MAP2K3: variants seen among roughly 807,000 people sequenced by gnomAD.
MAP2K3 encodes dual specificity mitogen-activated protein kinase kinase 3.
MAP2K3 carries 30 observed loss-of-function variants against 46.4 expected under a neutral mutation model. The ratio of observed to expected loss-of-function variants is 0.65; its 90% CI spans 0.48 to 0.88. MAP2K3 has a LOEUF of 0.88. MAP2K3 is among the 40% of genes least tolerant of loss of function. MAP2K3 has a pLI of 0.00. For synonymous variants in MAP2K3, 189 were observed against 176.3 expected (o/e 1.07, Z -0.57); for missense variants, 380 against 464.5 (o/e 0.82, Z 1.67).
At chr17:21,303,356 G>C in intron 7 of MAP2K3, 122 bp downstream of exon 7, 1 of 1,374,604 alleles carries the variant, frequency 7.3e-7, no homozygotes, top group Admixed American at 2.0e-5. Context: ...TGACGTGCCC[G>C]ATGGGGTTCC....
chr17:21,304,365 C>G, intron 7 of MAP2K3, 61 bp from the exon 8 acceptor site: 2 of 1,613,510 alleles, frequency 1.2e-6, no homozygotes, highest in East Asian at 2.2e-5. Flanking sequence ...CTATGCAGAG[C>G]ATGGCACCTG....
intron 3 of MAP2K3, 24 bp downstream of exon 3, chr17:21,298,950 C>T: frequency 6.2e-7 from 1 of 1,613,584 alleles, no homozygotes; most frequent in African/African-American, 1.3e-5. Context: ...GCCACCCCTG[C>T]AGGGCCTCTC....
At chr17:21,307,256 C>G (rs1350857424) in intron 9 of MAP2K3, among the ~76,000 whole-genome samples, 1 of 152,306 alleles carries the variant, frequency 6.6e-6, no homozygotes, top group African/African-American at 2.4e-5. Flanking sequence ...AACTCAGGCT[C>G]CTTGTGGATA....
chr17:21,285,106 G>C lies in MAP2K3; in HGVS notation c.49+137G>C, dbSNP rs1002720022. ...GCGTCCGGTCCCGGAACCCCTTCCT[G>C]TTCGGGGTCCCGGGACCAGCCCCCG... is the stretch of plus-strand genomic sequence containing the variant. On this transcript the variant is annotated intron_variant, in intron 1 of 11. Coordinates refer to ENST00000342679, the MANE Select transcript of MAP2K3 (RefSeq NM_145109.3). 1.2e-5 allele frequency: 16 copies of C among 1,344,744 alleles called. No homozygotes were observed. The African/African-American group carries it at 2.2e-4, about 19-fold the overall frequency. 83.3% of individuals were successfully genotyped at this position (1,344,744 alleles called of 1,614,324 possible).
rs1252424001 is a variant in MAP2K3, at chr17:21,302,271, G to A, written c.516+12G>A. ...AGATTGCTGTGTCTGTGAGTGGCCT[G>A]GGTGGGCTGGCGGGGGGTCCTAGGT... On this transcript the variant is annotated intron_variant, in intron 6 of 11. Coordinates refer to ENST00000342679, the MANE Select transcript of MAP2K3 (RefSeq NM_145109.3). 6.2e-7 allele frequency: 1 copy of A among 1,610,170 alleles called. No individual in the cohort carries two copies. Among genetic ancestry groups the A allele is most frequent in the Non-Finnish European group, 8.5e-7 (1 of 1,176,578 alleles).
chr17:21,307,207 CTGT>C (rs1163188574), intron 9 of MAP2K3, among the ~76,000 whole-genome samples: 1 of 152,306 alleles, frequency 6.6e-6, no homozygotes, highest in Non-Finnish European at 1.5e-5. Context: ...CCATCTGAGG[CTGT>C]CTAGGGGCCT....
Position 21,300,576 on chromosome 17 carries a change from C to A in MAP2K3, c.197C>A (p.Thr66Asn). 1 of 1,612,856 alleles carries A rather than the reference C, an allele frequency of 6.2e-7. No homozygotes were observed. Among genetic ancestry groups the A allele is most frequent in the Non-Finnish European group, 8.5e-7 (1 of 1,179,514 alleles). The change falls in exon 4 of 12, where the codon ACC (threonine) becomes AAC (asparagine). Residue 66 changes from threonine (T) to asparagine (N), a missense_variant. This residue lies in a region of MAP2K3 where 294 missense variants were observed against 275.4 expected (regional missense o/e 1.07). Transcript: ENST00000342679. ...NFEVEADDLV[T>N]ISELGRGAYG... ...GAGGTGGAGGCTGATGACTTGGTGA[C>A]CATCTCAGAACTGGGCCGTGGAGCC...
Position 21,312,228 on chromosome 17 carries a change from C to G in MAP2K3, c.861C>G (p.Pro287=). The change falls in exon 10 of 12, where the codon CCC becomes CCG. Residue 287 remains proline, a synonymous_variant. Coordinates refer to ENST00000342679, the MANE Select transcript of MAP2K3 (RefSeq NM_145109.3). ...QLKQVVEEPS[P]QLPADRFSPE... is the part of the protein sequence containing the mutation. ...AGCAGGTGGTGGAGGAGCCGTCCCC[C>G]CAGCTCCCAGCCGACCGTTTCTCCC... 1 of 1,604,460 alleles carries G rather than the reference C, an allele frequency of 6.2e-7. No individual in the cohort carries two copies. Among genetic ancestry groups the G allele is most frequent in the East Asian group, 2.3e-5 (1 of 43,450 alleles).
rs1977309615 is a variant in MAP2K3 at position 21,314,355 on chromosome 17, G to T, written c.*125G>T. 13 of 870,906 alleles carry T rather than the reference G, an allele frequency of 1.5e-5. No homozygotes were observed. Among genetic ancestry groups the T allele is most frequent in the Admixed American group, 1.9e-5 (1 of 52,398 alleles). 53.9% of individuals were successfully genotyped at this position (870,906 alleles called of 1,614,324 possible). On this transcript the variant is annotated 3_prime_UTR_variant, in exon 12 of 12. Transcript: ENST00000342679. ...AGGGCATCTGGGAGGAACCGAGGGG[G>T]CTGCTCCCACCTGGCTCTGTGGCGA... is the stretch of plus-strand genomic sequence containing the variant.
intron 1 of MAP2K3, chr17:21,288,164 G>T: frequency 1.7e-6 from 2 of 1,163,698 alleles, no homozygotes; most frequent in Non-Finnish European, 1.1e-6. Context: ...TTAAAGGGGC[G>T]ATGCCTGCCA....
intron 1 of MAP2K3, chr17:21,296,282 G>A: frequency 9.9e-7 from 1 of 1,013,342 alleles, no homozygotes. Flanking sequence ...CACCATGCCA[G>A]GGTCGCAGAG....
chr17:21,291,683 C>T, intron 1 of MAP2K3: 2 of 431,004 alleles, frequency 4.6e-6, no homozygotes, highest in Non-Finnish European at 9.3e-6. Flanking sequence ...TCCCACCGAT[C>T]TGACCCCTTT....
chr17:21,287,969 C>T (rs1162380176), intron 1 of MAP2K3: 2 of 1,232,786 alleles, frequency 1.6e-6, no homozygotes, highest in South Asian at 2.5e-5. Context: ...GGGACTTCCC[C>T]CACCCCTCTT....
chr17:21,296,083 C>G (rs1251429811), intron 1 of MAP2K3: 1 of 1,289,218 alleles, frequency 7.8e-7, no homozygotes, highest in Non-Finnish European at 1.0e-6. Context: ...TTCACCTCTG[C>G]AGAGAGGCTG....
intron 10 of MAP2K3, among the ~76,000 whole-genome samples, chr17:21,313,127 T>A (rs919268435): frequency 1.3e-5 from 2 of 152,104 alleles, no homozygotes; most frequent in Admixed American, 6.5e-5. Context: ...CCCCTTTAAT[T>A]GTGGACTAAC....
intron 9 of MAP2K3, among the ~76,000 whole-genome samples, chr17:21,305,602 G>A (rs1277294091): frequency 5.9e-5 from 9 of 152,284 alleles, no homozygotes; most frequent in African/African-American, 2.2e-4. Flanking sequence ...CTTGGGTAGG[G>A]TGAGGGCAGA....
chr17:21,286,551 G>A (rs561100552), intron 1 of MAP2K3, among the ~76,000 whole-genome samples: 26 of 152,328 alleles, frequency 1.7e-4, no homozygotes, highest in Non-Finnish European at 3.5e-4. Context: ...ACTCGACGGG[G>A]GAGGTGTCTG....
chr17:21,301,596 C>T (rs1005558440), intron 5 of MAP2K3, among the ~76,000 whole-genome samples: 7 of 152,310 alleles, frequency 4.6e-5, no homozygotes, highest in African/African-American at 1.7e-4. Flanking sequence ...CTTCACCTGT[C>T]CTCACTCGTC....
At chr17:21,290,403 A>G (rs1975855662) in intron 1 of MAP2K3, among the ~76,000 whole-genome samples, 2 of 2,372 alleles carry the variant, frequency 8.4e-4, no homozygotes, top group Non-Finnish European at 2.4e-3. Context: ...GGCATGGCAC[A>G]CGGCATCCCG....
Sources: allele counts gnomAD v4.1 joint callset (sites outside exome capture counted in the v4.1 genomes callset), GRCh38; gene constraint gnomAD v4.1.1; regional missense constraint gnomAD v4.1.1; transcripts MANE v1.5; gene names NCBI Gene and HGNC (gene_info 2026-07-23, HGNC 2026-07-21).